Variants in ACAP2 observed in about 807,000 individuals in gnomAD.
ACAP2 encodes the protein ArfGAP with coiled-coil, ankyrin repeat and PH domains 2.
ACAP2 carries 39 observed loss-of-function variants against 115.8 expected under a neutral mutation model. That is an observed-to-expected ratio of 0.34 (90% CI 0.26 to 0.44). The LOEUF is 0.44. ACAP2 is among the 20% of genes least tolerant of loss of function. The pLI, the probability that ACAP2 is intolerant of heterozygous loss-of-function variation, is 1.00. For missense variants in ACAP2, 662 were observed against 927.6 expected (o/e 0.71, Z 3.72); for synonymous variants, 289 against 315.8 (o/e 0.92, Z 0.90).
intron 21 of ACAP2, among the ~76,000 whole-genome samples, chr3:195,286,217 T>G (rs1220320554): frequency 2.6e-5 from 4 of 152,232 alleles, no homozygotes. Flanking sequence ...GCTTCTATAG[T>G]GCAGAAGTGA....
At chr3:195,395,448 T>C (rs1203523880) in intron 1 of ACAP2, among the ~76,000 whole-genome samples, 1 of 152,246 alleles carries the variant, frequency 6.6e-6, no homozygotes, top group African/African-American at 2.4e-5. Context: ...AACCTGTTTT[T>C]ACAAAGTCTA....
chr3:195,321,770 G>A (rs574962391), intron 9 of ACAP2, among the ~76,000 whole-genome samples: 1 of 151,506 alleles, frequency 6.6e-6, no homozygotes, highest in South Asian at 2.1e-4. Context: ...TTGCCACCAT[G>A]CCCAGCTAAT....
chr3:195,302,275 AAGGCCTGTTAC>A, intron 13 of ACAP2, 101 bp from the exon 14 acceptor site: 1 of 1,089,514 alleles, frequency 9.2e-7, no homozygotes, highest in Admixed American at 2.5e-5. Context: ...CAATAAATTA[AAGGCCTGTTAC>A]AGGCATAAGC....
At chr3:195,383,598 G>A (rs1389866403) in intron 2 of ACAP2, among the ~76,000 whole-genome samples, 3 of 150,348 alleles carry the variant, frequency 2.0e-5, no homozygotes, top group Non-Finnish European at 4.4e-5. Context: ...ATCTCAAAGT[G>A]GGAAGTCTGA....
intron 1 of ACAP2, among the ~76,000 whole-genome samples, chr3:195,424,124 C>T (rs1157994933): frequency 6.6e-6 from 1 of 151,082 alleles, no homozygotes; most frequent in African/African-American, 2.4e-5. Flanking sequence ...TCCCCTCCTA[C>T]CACTTAATAG....
intron 6 of ACAP2, among the ~76,000 whole-genome samples, chr3:195,341,615 G>A (rs577252351): frequency 2.0e-5 from 3 of 152,078 alleles, no homozygotes; most frequent in South Asian, 2.1e-4. Flanking sequence ...GAGCCACTGC[G>A]CCTGGCCCAG....
chr3:195,367,124 CA>C (rs1732783205), intron 4 of ACAP2, among the ~76,000 whole-genome samples: 1 of 151,274 alleles, frequency 6.6e-6, no homozygotes, highest in Non-Finnish European at 1.5e-5. Flanking sequence ...ACTGTGCTCT[CA>C]AACAGTGGTT....
intron 9 of ACAP2, among the ~76,000 whole-genome samples, chr3:195,325,765 T>G (rs1012978810): frequency 1.2e-4 from 18 of 152,200 alleles, no homozygotes; most frequent in African/African-American, 4.3e-4. Flanking sequence ...AATCTTTTCA[T>G]GATCATGTCA....
chr3:195,411,732 T>C (rs1327169494), intron 1 of ACAP2, among the ~76,000 whole-genome samples: 1 of 151,988 alleles, frequency 6.6e-6, no homozygotes, highest in Non-Finnish European at 1.5e-5. Flanking sequence ...CAAAATAAAA[T>C]AAATATGCAG....
intron 3 of ACAP2, among the ~76,000 whole-genome samples, chr3:195,381,523 C>T (rs1202840729): frequency 6.6e-6 from 1 of 152,158 alleles, no homozygotes; most frequent in Non-Finnish European, 1.5e-5. Context: ...GCCCCCTATA[C>T]ATACAGTTAA....
chr3:195,387,635 T>A (rs1405734547), intron 2 of ACAP2, among the ~76,000 whole-genome samples: 1 of 152,202 alleles, frequency 6.6e-6, no homozygotes, highest in East Asian at 1.9e-4. Context: ...TTTGTATTTT[T>A]AGTAGAGACA....
intron 4 of ACAP2, among the ~76,000 whole-genome samples, chr3:195,355,559 T>C (rs923892381): frequency 5.9e-5 from 9 of 152,234 alleles, no homozygotes; most frequent in South Asian, 2.1e-4. Flanking sequence ...AAAATGTCAG[T>C]TGACCAATCT....
intron 1 of ACAP2, among the ~76,000 whole-genome samples, chr3:195,422,300 AG>A (rs1470008847): frequency 9.6e-6 from 1 of 104,230 alleles, no homozygotes; most frequent in Non-Finnish European, 2.3e-5. Flanking sequence ...ATTTTTTAAC[AG>A]AGCCTCTTTA....
chr3:195,397,139 T>G (rs150130897), intron 1 of ACAP2, among the ~76,000 whole-genome samples: 16 of 152,306 alleles, frequency 1.1e-4, no homozygotes, highest in Non-Finnish European at 2.1e-4. Context: ...TTCTTTTGTT[T>G]TATATAATAC....
intron 4 of ACAP2, among the ~76,000 whole-genome samples, chr3:195,375,674 C>T (rs926421864): frequency 6.6e-6 from 1 of 151,998 alleles, no homozygotes; most frequent in African/African-American, 2.4e-5. Flanking sequence ...TAGCTGAGCA[C>T]GGTGATGCAT....
chr3:195,309,625 T>A (rs1463334805), intron 10 of ACAP2, among the ~76,000 whole-genome samples: 1 of 151,648 alleles, frequency 6.6e-6, no homozygotes, highest in Non-Finnish European at 1.5e-5. Flanking sequence ...TTTCAGCAGA[T>A]AATTCAGTAA....
chr3:195,373,608 T>A (rs551049259), intron 4 of ACAP2, among the ~76,000 whole-genome samples: 5 of 152,298 alleles, frequency 3.3e-5, no homozygotes, highest in African/African-American at 1.2e-4. Flanking sequence ...GATTAACTTA[T>A]ATGAAGCAGT....
chr3:195,380,998 C>CTGACTTACTGTG lies in ACAP2; in HGVS notation c.285+10_285+11insCACAGTAAGTCA, dbSNP rs1733907180. The CTGACTTACTGTG allele has an allele frequency of 6.3e-7, 1 of 1,589,178 alleles. No individual in the cohort carries two copies. Among genetic ancestry groups the CTGACTTACTGTG allele is most frequent in the Non-Finnish European group, 8.5e-7 (1 of 1,171,976 alleles). On this transcript the variant is annotated intron_variant, in intron 4 of 22. Transcript: ENST00000326793. ...ATATGGTCATAGTAACACCTACTTA[C>CTGACTTACTGTG]TGACACTTACTGTGTGAAAATTTAT... is the stretch of plus-strand genomic sequence containing the variant.
In ACAP2 at chr3:195,345,836, G is replaced by C. The variant is rs1731157886; in HGVS notation, c.286-519C>G. On this transcript the variant is annotated intron_variant, in intron 4 of 22. Coordinates refer to ENST00000326793, the MANE Select transcript of ACAP2 (RefSeq NM_012287.6). The stretch of plus-strand genomic sequence containing the variant: ...TTAGGTTAAATAACTGCTAACAGTA[G>C]AGACAAGAGTAAAATTTTATTCCTC... 2.6e-5 allele frequency among the ~76,000 whole-genome samples: 4 copies of C among 152,274 alleles called. No individual in the cohort carries two copies. The South Asian group carries it at 8.3e-4, about 32-fold the overall frequency.
Sources: allele counts gnomAD v4.1 joint callset (sites outside exome capture counted in the v4.1 genomes callset), GRCh38; gene constraint gnomAD v4.1.1; transcripts MANE v1.5; gene names NCBI Gene and HGNC (gene_info 2026-07-23, HGNC 2026-07-21).